Variants in DIAPH3 observed in about 807,000 individuals in gnomAD.
DIAPH3 encodes diaphanous related formin 3, also known as protein diaphanous homolog 3.
DIAPH3 carries 117 observed loss-of-function variants against 144.3 expected under a neutral mutation model. The observed-to-expected ratio is 0.81, with a 90% CI of 0.70 to 0.95. The LOEUF (loss-of-function observed/expected upper bound fraction) is 0.95. DIAPH3 is among the 40% of genes least tolerant of loss of function. The pLI is 0.00. For missense variants in DIAPH3, 1,421 were observed against 1,412.7 expected (o/e 1.01, Z -0.09); for synonymous variants, 519 against 488.9 (o/e 1.06, Z -0.81).
chr13:60,122,895 C>T (rs1405395780), intron 2 of DIAPH3, among the ~76,000 whole-genome samples: 3 of 151,986 alleles, frequency 2.0e-5, no homozygotes, highest in Non-Finnish European at 2.9e-5. Flanking sequence ...TACCCATCTA[C>T]TCAAAGTACA....
At chr13:59,927,610 A>G (rs1314307956) in intron 17 of DIAPH3, among the ~76,000 whole-genome samples, 1 of 152,112 alleles carries the variant, frequency 6.6e-6, no homozygotes, top group Non-Finnish European at 1.5e-5. Context: ...ATTGGCTGGG[A>G]AAGACTATTT....
chr13:59,965,251 A>G (rs1050110124), intron 17 of DIAPH3, among the ~76,000 whole-genome samples: 1 of 152,132 alleles, frequency 6.6e-6, no homozygotes, highest in Non-Finnish European at 1.5e-5. Context: ...TAATTTATAA[A>G]CCAATTTATG....
rs117944859 is a variant in DIAPH3, at chr13:59,847,043, C to T, written c.2738-7595G>A. ...ACAGTAAGCAATGATTGCATCACTG[C>T]ACTCCAACCTGGGCGACAGAGGGAG... On this transcript the variant is annotated intron_variant, in intron 22 of 27. Transcript: ENST00000400324. Among the ~76,000 whole-genome samples the T allele has an allele frequency of 6.1e-3, 932 of 152,272 alleles. 5 individuals carry two copies. Among genetic ancestry groups the T allele is most frequent in the Non-Finnish European group, 9.0e-3 (610 of 68,028 alleles).
chr13:59,752,811 G>C (rs113658005), intron 27 of DIAPH3, among the ~76,000 whole-genome samples: 3 of 152,126 alleles, frequency 2.0e-5, no homozygotes, highest in African/African-American at 7.2e-5. Flanking sequence ...AATTATCTGG[G>C]GATGTGGGTA....
chr13:59,679,570 C>G (rs2032832035), intron 27 of DIAPH3, among the ~76,000 whole-genome samples: 1 of 152,152 alleles, frequency 6.6e-6, no homozygotes, highest in Admixed American at 6.5e-5. Flanking sequence ...TATAGTACTC[C>G]TGGTAAGCTA....
chr13:60,021,308 A>G (rs1390684850), intron 5 of DIAPH3, among the ~76,000 whole-genome samples: 1 of 152,162 alleles, frequency 6.6e-6, no homozygotes, highest in Non-Finnish European at 1.5e-5. Context: ...GGTTAGAGAG[A>G]TGAGATGAAA....
At chr13:60,101,911 T>TA (rs2058278298) in intron 3 of DIAPH3, among the ~76,000 whole-genome samples, 1 of 152,200 alleles carries the variant, frequency 6.6e-6, no homozygotes, top group African/African-American at 2.4e-5. Context: ...CATCAATTCT[T>TA]ACAACATTTA....
intron 27 of DIAPH3, among the ~76,000 whole-genome samples, chr13:59,683,989 C>T (rs2033081638): frequency 6.6e-6 from 1 of 151,822 alleles, no homozygotes; most frequent in Admixed American, 6.6e-5. Context: ...AATAACATTT[C>T]TCCTGTTAAT....
chr13:60,125,786 T>A (rs2138181974), intron 2 of DIAPH3, among the ~76,000 whole-genome samples: 1 of 152,138 alleles, frequency 6.6e-6, no homozygotes, highest in South Asian at 2.1e-4. Context: ...CTGATAGCTG[T>A]GTGGGAAGGT....
At chr13:59,956,520 G>T (rs748537724) in intron 17 of DIAPH3, among the ~76,000 whole-genome samples, 1 of 152,266 alleles carries the variant, frequency 6.6e-6, no homozygotes, top group Non-Finnish European at 1.5e-5. Context: ...TTCAGAGGAT[G>T]TATGGAAATG....
chr13:60,123,699 G>T (rs2058907772), intron 2 of DIAPH3, among the ~76,000 whole-genome samples: 1 of 152,162 alleles, frequency 6.6e-6, no homozygotes, highest in African/African-American at 2.4e-5. Context: ...ACACAGAAGA[G>T]TATAATATGA....
chr13:59,837,025 G>GA (rs1168531736), intron 23 of DIAPH3, among the ~76,000 whole-genome samples: 6 of 151,966 alleles, frequency 3.9e-5, no homozygotes, highest in African/African-American at 1.4e-4. Context: ...CGCAATGAAT[G>GA]AATTTAATTA....
intron 22 of DIAPH3, among the ~76,000 whole-genome samples, chr13:59,856,538 G>C (rs1390170814): frequency 6.6e-6 from 1 of 152,068 alleles, no homozygotes; most frequent in African/African-American, 2.4e-5. Flanking sequence ...GTCTTCACAT[G>C]GTCTATCCTC....
At chr13:60,159,397 G>A (rs559952458) in intron 1 of DIAPH3, among the ~76,000 whole-genome samples, 3 of 152,162 alleles carry the variant, frequency 2.0e-5, no homozygotes, top group African/African-American at 4.8e-5. Context: ...AGGCCGAAGC[G>A]GGTGGATCAC....
At chr13:60,063,082 C>A (rs993215193) in intron 4 of DIAPH3, among the ~76,000 whole-genome samples, 2 of 152,204 alleles carry the variant, frequency 1.3e-5, no homozygotes, top group African/African-American at 4.8e-5. Context: ...TTTCAAACTT[C>A]TTTCAAAATT....
intron 24 of DIAPH3, 38 bp from the exon 25 acceptor site, chr13:59,810,961 G>A: frequency 6.4e-7 from 1 of 1,553,872 alleles, no homozygotes; most frequent in Non-Finnish European, 8.8e-7. Flanking sequence ...TTTAACCAGT[G>A]ATTCATCCCG....
chr13:59,997,838 T>G (rs1344197257), intron 9 of DIAPH3, among the ~76,000 whole-genome samples: 3 of 152,050 alleles, frequency 2.0e-5, no homozygotes, highest in Non-Finnish European at 4.4e-5. Flanking sequence ...GTTTTTACAA[T>G]TAAATCGTGG....
At chr13:59,800,016 A>G (rs1318675581) in intron 25 of DIAPH3, among the ~76,000 whole-genome samples, 2 of 67,568 alleles carry the variant, frequency 3.0e-5, no homozygotes, top group East Asian at 1.6e-3. Context: ...CTTCAAAAAG[A>G]CTTCTTTTTG....
chr13:59,801,262 T>C (rs1236191558), intron 25 of DIAPH3, among the ~76,000 whole-genome samples: 1 of 152,222 alleles, frequency 6.6e-6, no homozygotes, highest in Non-Finnish European at 1.5e-5. Context: ...TTGTAACACT[T>C]GAAGGCTACT....
Sources: allele counts gnomAD v4.1 joint callset (sites outside exome capture counted in the v4.1 genomes callset), GRCh38; gene constraint gnomAD v4.1.1; transcripts MANE v1.5; gene names NCBI Gene and HGNC (gene_info 2026-07-23, HGNC 2026-07-21).